Variants in HERC6 observed in about 807,000 individuals in gnomAD.
HERC6 encodes HECT and RLD domain containing E3 ubiquitin protein ligase family member 6.
HERC6 carries 101 observed loss-of-function variants against 114.5 expected under a neutral mutation model. That is an observed-to-expected ratio of 0.88 (90% CI 0.75 to 1.04). The LOEUF is 1.04. Among genes scored for constraint, HERC6 ranks in the 50% least tolerant of loss-of-function variants. The probability of loss-of-function intolerance (pLI) is 0.00; values close to 1 mark genes in which losing one functional copy is unlikely to be tolerated. For missense variants in HERC6, 1,133 were observed against 1,230.9 expected (o/e 0.92, Z 1.19); for synonymous variants, 408 against 436.2 (o/e 0.94, Z 0.81).
At chr4:88,419,692 T>G (rs1166790375) in intron 13 of HERC6, among the ~76,000 whole-genome samples, 1 of 152,182 alleles carries the variant, frequency 6.6e-6, no homozygotes, top group Non-Finnish European at 1.5e-5. Flanking sequence ...GCTTTGATGT[T>G]CTTGTGCCTA....
chr4:88,428,596 C>T lies in HERC6; in HGVS notation c.1952C>T (p.Ala651Val). 1 of 1,595,390 alleles carries T rather than the reference C, an allele frequency of 6.3e-7. No homozygotes were observed. Residue 651 changes from alanine (A) to valine (V), a missense_variant, in exon 16 of 23, where the codon GCA becomes GTA. Ala to Val is a moderately conservative substitution (Grantham distance 64). Coordinates refer to ENST00000264346, the MANE Select transcript of HERC6 (RefSeq NM_017912.4). ...TTTTTCCAGATGTCAGAAAAGAAAG[C>T]ATACATGCTTATGCATGAAACAATT... ...HIKMQMSEKK[A>V]YMLMHETILQ...
Position 88,442,282 on chromosome 4 carries a change from T to C in HERC6, c.2891T>C (p.Met964Thr). The C allele has an allele frequency of 6.2e-7, 1 of 1,613,650 alleles. No individual in the cohort carries two copies. The highest frequency in any genetic ancestry group is 8.5e-7 in the Non-Finnish European group (1 of 1,179,748). The change falls in exon 23 of 23, where the codon ATG becomes ACG. Residue 964 changes from methionine (M) to threonine (T), a missense_variant. Met to Thr is a moderately conservative substitution (Grantham distance 81, BLOSUM62 -1). Coordinates refer to ENST00000264346, the MANE Select transcript of HERC6 (RefSeq NM_017912.4). Reference protein sequence around the residue: ...DRLHARGIQKMEIVFRCPETF... With the variant: ...DRLHARGIQKTEIVFRCPETF... Reference sequence around the variant, plus strand: ...CTGCATGCAAGAGGCATACAGAAAATGGAAATAGTATTTCGCTGTCCTGAA... The same window carrying C: ...CTGCATGCAAGAGGCATACAGAAAACGGAAATAGTATTTCGCTGTCCTGAA...
At chr4:88,428,887 T>C (rs1737907775) in intron 16 of HERC6, 137 bp downstream of exon 16, 1 of 650,652 alleles carries the variant, frequency 1.5e-6, no homozygotes, top group Non-Finnish European at 2.4e-6. Flanking sequence ...ATTCCCCTCT[T>C]ACCCTTCAGA....
chr4:88,438,171 T>G (rs1738962245), intron 20 of HERC6, among the ~76,000 whole-genome samples: 1 of 151,606 alleles, frequency 6.6e-6, no homozygotes, highest in Non-Finnish European at 1.5e-5. Context: ...CTCAGGTGAT[T>G]GTTTTAGCTC....
chr4:88,414,448 A>C (rs1192381763), intron 12 of HERC6, among the ~76,000 whole-genome samples: 1 of 152,134 alleles, frequency 6.6e-6, no homozygotes, highest in African/African-American at 2.4e-5. Context: ...CCAGATCCCA[A>C]ACAAGGGTTC....
chr4:88,423,059 T>G (rs916910288), intron 13 of HERC6, among the ~76,000 whole-genome samples: 2 of 146,326 alleles, frequency 1.4e-5, no homozygotes, highest in African/African-American at 2.5e-5. Context: ...TTGATACTGG[T>G]TTTTTTTTTT....
intron 20 of HERC6, 110 bp from the exon 21 acceptor site, chr4:88,439,763 AT>A: frequency 4.7e-6 from 5 of 1,067,790 alleles, no homozygotes; most frequent in Non-Finnish European, 6.3e-6. Context: ...TATAGAAGTA[AT>A]TTACTTTTCC....
At chr4:88,409,861 A>C (rs1735998711) in intron 11 of HERC6, among the ~76,000 whole-genome samples, 2 of 152,152 alleles carry the variant, frequency 1.3e-5, no homozygotes, top group Admixed American at 1.3e-4. Context: ...GGGTCACTGA[A>C]AATTAATAAT....
In HERC6 at chr4:88,396,949, CAG is replaced by C. The variant is rs1735265556; in HGVS notation, c.990_991del (p.Asn331LeufsTer2). Reference sequence around the variant, plus strand: ...AAGCCAACTCATCCGGAGGCCCTGACAGAGAACTTTGACATTAGCTGCCTGAT... The same window carrying C: ...AAGCCAACTCATCCGGAGGCCCTGACAGAACTTTGACATTAGCTGCCTGAT... On this transcript the variant is annotated frameshift_variant, in exon 7 of 23. Transcript: ENST00000264346. LOFTEE classifies it high-confidence loss of function. The C allele has an allele frequency of 6.2e-7, 1 of 1,612,908 alleles. No homozygotes were observed. Among genetic ancestry groups the C allele is most frequent in the East Asian group, 2.2e-5 (1 of 44,850 alleles).
intron 1 of HERC6, among the ~76,000 whole-genome samples, chr4:88,382,727 A>G (rs1734383171): frequency 6.6e-6 from 1 of 152,178 alleles, no homozygotes; most frequent in Non-Finnish European, 1.5e-5. Context: ...GGGAGGTGCA[A>G]GGAGATGCCA....
Position 88,442,238 on chromosome 4 carries a change from C to G in HERC6, c.2847C>G (p.Phe949Leu), listed in dbSNP as rs759475940. ...TLDEKKKFLF[F>L]LTGRDRLHAR... The stretch of plus-strand genomic sequence containing the variant: ...CCAAATTTTATTCCTTTCTAGTTTT[C>G]CTTACAGGACGTGATAGGCTGCATG... The change falls in exon 23 of 23, where the codon TTC becomes TTG. Residue 949 changes from phenylalanine (F) to leucine (L), a missense_variant. By Grantham distance (22) the Phe-to-Leu change is conservative. This residue lies in a region of HERC6 where 388 missense variants were observed against 445.9 expected (regional missense o/e 0.87). Transcript: ENST00000264346. 4.4e-6 allele frequency: 7 copies of G among 1,607,204 alleles called. No homozygotes were observed. Among genetic ancestry groups the G allele is most frequent in the Non-Finnish European group, 6.0e-6 (7 of 1,176,086 alleles).
rs1156777502 is a variant in HERC6, at chr4:88,390,177, C to CAAA, written c.437-453_437-451dup. ...TGGATGACAGAATGAAACTCTGTAT[C>CAAA]AAAAAAAAAAAAAAAAAAAAAAAAG... On this transcript the variant is annotated intron_variant, in intron 3 of 22. Transcript: ENST00000264346. Among the ~76,000 whole-genome samples the CAAA allele has an allele frequency of 4.5e-3, 217 of 48,626 alleles. 2 individuals carry two copies. The highest frequency in any genetic ancestry group is 6.8e-3 in the African/African-American group (76 of 11,192). 31.9% of individuals were successfully genotyped at this position (48,626 alleles called of 152,430 possible).
In HERC6 at chr4:88,442,271, C is replaced by T. The variant is rs878897078; in HGVS notation, c.2880C>T (p.Gly960=). The T allele has an allele frequency of 1.2e-6, 2 of 1,613,134 alleles. No individual in the cohort carries two copies. Among genetic ancestry groups the T allele is most frequent in the Non-Finnish European group, 1.7e-6 (2 of 1,179,510 alleles). ...LTGRDRLHAR[G]IQKMEIVFRC... ...GACGTGATAGGCTGCATGCAAGAGG[C>T]ATACAGAAAATGGAAATAGTATTTC... is the stretch of plus-strand genomic sequence containing the variant. Residue 960 remains glycine, a synonymous_variant, in exon 23 of 23, where the codon GGC becomes GGT. Coordinates refer to ENST00000264346, the MANE Select transcript of HERC6 (RefSeq NM_017912.4).
At position 88,390,779 on chromosome 4, in the gene HERC6, C is replaced by T. The variant is rs755340581; in HGVS notation, c.564C>T (p.Ala188=). The change falls in exon 4 of 23, where the codon GCC becomes GCT. Residue 188 remains alanine (A), a synonymous_variant. Transcript: ENST00000264346. The stretch of plus-strand genomic sequence containing the variant: ...GGATCCCACTGGCTCAGGTGGCTGC[C>T]GGAGGGGCTCACAGCTTTGCCCTGT... ...LEGIPLAQVA[A]GGAHSFALSL... The T allele has an allele frequency of 7.9e-5, 128 of 1,613,926 alleles. No individual in the cohort carries two copies. Among genetic ancestry groups the T allele is most frequent in the Middle Eastern group, 1.6e-4 (1 of 6,082 alleles).
At chr4:88,421,494 C>A (rs1737053440) in intron 13 of HERC6, among the ~76,000 whole-genome samples, 1 of 149,530 alleles carries the variant, frequency 6.7e-6, no homozygotes, top group South Asian at 2.1e-4. Context: ...GTTGCCCAGG[C>A]TGGAATGCAG....
chr4:88,431,077 A>G (rs990997275), intron 16 of HERC6, 85 bp from the exon 17 acceptor site: 1 of 1,170,404 alleles, frequency 8.5e-7, no homozygotes, highest in African/African-American at 1.5e-5. Context: ...GACTGCAAGA[A>G]TGGTCGTTAG....
chr4:88,379,338 A>C (rs1734040879), intron 1 of HERC6, among the ~76,000 whole-genome samples: 1 of 152,044 alleles, frequency 6.6e-6, no homozygotes, highest in Non-Finnish European at 1.5e-5. Flanking sequence ...AGCCACAGGA[A>C]CCAGGAAAAT....
At chr4:88,435,966 C>G (rs1469853672) in intron 18 of HERC6, 75 bp downstream of exon 18, 2 of 1,064,266 alleles carry the variant, frequency 1.9e-6, no homozygotes, top group Non-Finnish European at 2.6e-6. Context: ...ATCTTACACA[C>G]AGAGAGACAG....
At chr4:88,435,543 GGAA>G (rs1279283619) in intron 17 of HERC6, among the ~76,000 whole-genome samples, 179 bp from the exon 18 acceptor site, 1 of 151,952 alleles carries the variant, frequency 6.6e-6, no homozygotes, top group African/African-American at 2.4e-5. Context: ...TCAAAATTAT[GGAA>G]GAAATTTAAT....
Sources: gnomAD v4.1 joint callset for allele counts (sites outside exome capture counted in the v4.1 genomes callset) on GRCh38, gnomAD v4.1.1 for gene constraint, gnomAD v4.1.1 regional missense constraint, MANE v1.5 for transcripts, NCBI Gene and HGNC (gene_info 2026-07-23, HGNC 2026-07-21) for gene names.